DPP10: variants seen among roughly 807,000 people sequenced by gnomAD.
DPP10 encodes inactive dipeptidyl peptidase 10.
A neutral mutation model predicts 120.9 loss-of-function variants in DPP10; 33 were observed. That is an observed-to-expected ratio of 0.27 (90% CI 0.21 to 0.37). DPP10 has a LOEUF of 0.37. Among genes scored for constraint, DPP10 ranks in the 10% least tolerant of loss-of-function variants. The pLI is 1.00. For synonymous variants in DPP10, 337 were observed against 326.1 expected, an observed-to-expected ratio of 1.03 and a Z score of -0.36; for missense variants, 816 against 942.8, an observed-to-expected ratio of 0.87 and a Z score of 1.76.
At chr2:114,870,405 A>G (rs1225961956) in intron 1 of DPP10, among the ~76,000 whole-genome samples, 1 of 152,108 alleles carries the variant, frequency 6.6e-6, no homozygotes, top group Non-Finnish European at 1.5e-5. Context: ...TACAACAGTG[A>G]TTGTAAACAG....
intron 1 of DPP10, among the ~76,000 whole-genome samples, chr2:115,271,390 T>G (rs920137806): frequency 3.3e-5 from 5 of 152,256 alleles, no homozygotes; most frequent in Non-Finnish European, 7.4e-5. Context: ...TTCCTAAGAG[T>G]AGATTTTAAA....
intron 1 of DPP10, among the ~76,000 whole-genome samples, chr2:114,759,544 G>A (rs1680093792): frequency 1.3e-5 from 2 of 151,530 alleles, no homozygotes; most frequent in African/African-American, 4.8e-5. Flanking sequence ...GCTAAACTAA[G>A]GTCTCTAGCA....
intron 7 of DPP10, among the ~76,000 whole-genome samples, chr2:115,706,029 A>G (rs1434071072): frequency 1.3e-5 from 2 of 152,008 alleles, no homozygotes; most frequent in East Asian, 3.9e-4. Flanking sequence ...CCTTTAAATT[A>G]TCTTAACTAT....
At chr2:115,657,633 T>C (rs933516729) in intron 5 of DPP10, among the ~76,000 whole-genome samples, 1 of 151,822 alleles carries the variant, frequency 6.6e-6, no homozygotes, top group South Asian at 2.1e-4. Context: ...AAATTAATAA[T>C]GTGAGTGTGT....
At chr2:114,777,119 TAAATG>T (rs1681818762) in intron 1 of DPP10, among the ~76,000 whole-genome samples, 2 of 152,180 alleles carry the variant, frequency 1.3e-5, no homozygotes, top group African/African-American at 4.8e-5. Context: ...TATTCAGAAG[TAAATG>T]AAATGTACTC....
At chr2:115,667,802 C>T (rs2089573887) in intron 5 of DPP10, among the ~76,000 whole-genome samples, 1 of 151,626 alleles carries the variant, frequency 6.6e-6, no homozygotes, top group Admixed American at 6.6e-5. Context: ...TGCTTTATTT[C>T]TAGCACTTTT....
intron 1 of DPP10, among the ~76,000 whole-genome samples, chr2:114,869,236 G>GTA (rs923264209): frequency 2.6e-5 from 4 of 151,966 alleles, no homozygotes; most frequent in South Asian, 2.1e-4. Flanking sequence ...ATGCCTGTAT[G>GTA]TATATATATA....
chr2:114,551,143 A>C (rs1434181478), intron 1 of DPP10, among the ~76,000 whole-genome samples: 1 of 152,138 alleles, frequency 6.6e-6, no homozygotes, highest in Non-Finnish European at 1.5e-5. Context: ...CATGCTTGCT[A>C]TCAAGGATGA....
At chr2:115,314,524 A>G (rs1028936022) in intron 2 of DPP10, among the ~76,000 whole-genome samples, 7 of 152,218 alleles carry the variant, frequency 4.6e-5, no homozygotes, top group Admixed American at 1.3e-4. Context: ...GAATATAAAC[A>G]TAACCAAGCA....
At chr2:115,006,752 C>T (rs1270491825) in intron 1 of DPP10, among the ~76,000 whole-genome samples, 1 of 152,030 alleles carries the variant, frequency 6.6e-6, no homozygotes, top group Non-Finnish European at 1.5e-5. Context: ...GACTTAGACT[C>T]CCACACATTA....
At chr2:114,833,817 G>T (rs897743287) in intron 1 of DPP10, 4 of 152,140 alleles carry the variant, frequency 2.6e-5, no homozygotes, top group Admixed American at 2.6e-4. Context: ...TATAGTCAGG[G>T]CAACAGAAAG....
chr2:115,787,600 A>G (rs1008888347), intron 17 of DPP10, among the ~76,000 whole-genome samples: 1 of 152,188 alleles, frequency 6.6e-6, no homozygotes, highest in Non-Finnish European at 1.5e-5. Flanking sequence ...ATAGGCCAGT[A>G]TCTACATCTA....
chr2:114,685,614 A>G (rs1699314217), intron 1 of DPP10, among the ~76,000 whole-genome samples: 1 of 151,936 alleles, frequency 6.6e-6, no homozygotes. Flanking sequence ...TAAACTCGCA[A>G]TTCTGCTTAT....
intron 1 of DPP10, among the ~76,000 whole-genome samples, chr2:115,055,063 A>G (rs1416658379): frequency 6.6e-6 from 1 of 152,164 alleles, no homozygotes; most frequent in Non-Finnish European, 1.5e-5. Context: ...TGCTTTAACA[A>G]TAATGCTGTT....
chr2:114,923,774 T>C (rs936716192), intron 1 of DPP10, among the ~76,000 whole-genome samples: 1 of 152,076 alleles, frequency 6.6e-6, no homozygotes, highest in African/African-American at 2.4e-5. Flanking sequence ...CCTTTTTCAC[T>C]TTCTTGATGG....
chr2:114,916,622 C>T (rs995517589), intron 1 of DPP10, among the ~76,000 whole-genome samples: 1 of 152,132 alleles, frequency 6.6e-6, no homozygotes. Context: ...AAAGCTAGTC[C>T]ACCACGGTCA....
At chr2:114,752,743 A>G (rs982263075) in intron 1 of DPP10, among the ~76,000 whole-genome samples, 1 of 152,190 alleles carries the variant, frequency 6.6e-6, no homozygotes, top group Non-Finnish European at 1.5e-5. Flanking sequence ...ACCAGACCAC[A>G]CTTAGAGAAC....
rs1237251998 is a variant in DPP10 at position 114,688,839 on chromosome 2, C to T, written c.60+246001C>T. 2.0e-5 allele frequency among the ~76,000 whole-genome samples: 3 copies of T among 151,800 alleles called. No homozygotes were observed. The East Asian group carries it at 5.8e-4, about 30-fold the overall frequency. ...AGGATGCTACATGAATCATTACCAT[C>T]GTCAACAAAGGAGAAGTTAGGAGGA... is the stretch of plus-strand genomic sequence containing the variant. On this transcript the variant is annotated intron_variant, in intron 1 of 25. Transcript: ENST00000410059.
chr2:115,363,697 A>G (rs928981101), intron 3 of DPP10, among the ~76,000 whole-genome samples: 1 of 152,300 alleles, frequency 6.6e-6, no homozygotes, highest in African/African-American at 2.4e-5. Context: ...TAAACCACTT[A>G]AAACATTCTT....
Sources: gnomAD v4.1 joint callset for allele counts (sites outside exome capture counted in the v4.1 genomes callset) on GRCh38, gnomAD v4.1.1 for gene constraint, MANE v1.5 for transcripts, NCBI Gene and HGNC (gene_info 2026-07-23, HGNC 2026-07-21) for gene names.